ST6GALNAC3: variants seen among roughly 807,000 people sequenced by gnomAD.
ST6GALNAC3 encodes alpha-N-acetylgalactosaminide alpha-2,6-sialyltransferase 3.
ST6GALNAC3 carries 25 observed loss-of-function variants against 32.7 expected under a neutral mutation model. That is an observed-to-expected ratio of 0.76 (90% CI 0.56 to 1.07). The LOEUF is 1.07. ST6GALNAC3 is among the 50% of genes least tolerant of loss of function. ST6GALNAC3 has a pLI of 0.00. For missense variants in ST6GALNAC3, 355 were observed against 382.4 expected (o/e 0.93, Z 0.60); for synonymous variants, 129 against 133.1 (o/e 0.97, Z 0.21).
rs567855012 is a variant in ST6GALNAC3, at chr1:76,112,775, C to T, written c.18+37891C>T. Among the ~76,000 whole-genome samples, 166 of 149,360 alleles carry T rather than the reference C, an allele frequency of 1.1e-3. 1 individual carries two copies. Among genetic ancestry groups the T allele is most frequent in the African/African-American group, 3.7e-3 (148 of 40,374 alleles). ...GCAGAGGCGCTCCCCACATCTCAGA[C>T]GATGGGCGGCCGGGCAGAGATGCTC... On this transcript the variant is annotated intron_variant, in intron 1 of 4. Transcript: ENST00000328299.
intron 1 of ST6GALNAC3, among the ~76,000 whole-genome samples, chr1:76,130,018 A>G (rs1441641857): frequency 1.3e-5 from 2 of 152,152 alleles, no homozygotes; most frequent in African/African-American, 4.8e-5. Context: ...TTGAGATGGG[A>G]TTCCATGACT....
At chr1:76,529,356 T>G (rs189786457) in intron 3 of ST6GALNAC3, among the ~76,000 whole-genome samples, 8 of 152,164 alleles carry the variant, frequency 5.3e-5, no homozygotes, top group Admixed American at 4.6e-4. Context: ...CTGTCTCACA[T>G]GGATGTTGTA....
At chr1:76,149,676 C>G (rs921019115) in intron 1 of ST6GALNAC3, among the ~76,000 whole-genome samples, 2 of 151,796 alleles carry the variant, frequency 1.3e-5, no homozygotes, top group African/African-American at 4.9e-5. Context: ...TTCCATTGTT[C>G]CATTGTGTAT....
intron 1 of ST6GALNAC3, among the ~76,000 whole-genome samples, chr1:76,113,917 C>T (rs1557626047): frequency 6.6e-6 from 1 of 151,778 alleles, no homozygotes; most frequent in African/African-American, 2.4e-5. Context: ...CCCCACCTCC[C>T]GGGTTCAAGC....
At chr1:76,208,698 A>T (rs1654971423) in intron 1 of ST6GALNAC3, among the ~76,000 whole-genome samples, 1 of 149,134 alleles carries the variant, frequency 6.7e-6, no homozygotes, top group South Asian at 2.3e-4. Context: ...TTCCATTATG[A>T]TGATGGGGTT....
chr1:76,302,573 T>C (rs1453281885), intron 1 of ST6GALNAC3, among the ~76,000 whole-genome samples: 6 of 152,080 alleles, frequency 3.9e-5, no homozygotes, highest in Non-Finnish European at 8.8e-5. Flanking sequence ...CTCTTATAGC[T>C]GATGAACTAC....
intron 1 of ST6GALNAC3, among the ~76,000 whole-genome samples, chr1:76,158,410 G>T (rs1036163393): frequency 6.6e-6 from 1 of 152,194 alleles, no homozygotes; most frequent in Non-Finnish European, 1.5e-5. Context: ...GGGGCCCTCT[G>T]ACATGAAGGC....
intron 1 of ST6GALNAC3, among the ~76,000 whole-genome samples, chr1:76,115,278 A>G (rs1163861678): frequency 2.6e-5 from 4 of 152,206 alleles, no homozygotes; most frequent in East Asian, 1.9e-4. Context: ...GCATGTCAGT[A>G]TATTTCAGTA....
At chr1:76,328,914 G>A (rs920226485) in intron 2 of ST6GALNAC3, among the ~76,000 whole-genome samples, 1 of 152,060 alleles carries the variant, frequency 6.6e-6, no homozygotes, top group Non-Finnish European at 1.5e-5. Context: ...GACTCCAATT[G>A]CCCTCATCAT....
At chr1:76,471,723 T>C (rs781127136) in intron 3 of ST6GALNAC3, among the ~76,000 whole-genome samples, 15 of 152,146 alleles carry the variant, frequency 9.9e-5, no homozygotes, top group Non-Finnish European at 2.1e-4. Flanking sequence ...TATCCAGATA[T>C]CTAAGAATGA....
rs1371780657 is a variant in ST6GALNAC3, at chr1:76,509,792, C to G, written c.623+97375C>G. 2.0e-5 allele frequency among the ~76,000 whole-genome samples: 3 copies of G among 152,154 alleles called. No homozygotes were observed. Among genetic ancestry groups the G allele is most frequent in the Non-Finnish European group, 4.4e-5 (3 of 68,024 alleles). On this transcript the variant is annotated intron_variant, in intron 3 of 4. Coordinates refer to ENST00000328299, the MANE Select transcript of ST6GALNAC3 (RefSeq NM_152996.4). The surrounding 1 kb of genome is among the most constrained non-coding windows in gnomAD (Gnocchi z 5.5). ...AATTTCTGCTTCCATTCTCACATAT[C>G]TTTTCCTCACATTGCTGTTTCTCTA...
chr1:76,132,248 C>T (rs1340664073), intron 1 of ST6GALNAC3, among the ~76,000 whole-genome samples: 1 of 152,202 alleles, frequency 6.6e-6, no homozygotes, highest in Admixed American at 6.5e-5. Flanking sequence ...CACAGCTCCT[C>T]CTCTTTATCT....
In ST6GALNAC3 at chr1:76,099,497, AG is replaced by A. The variant is rs1482946802; in HGVS notation, c.18+24615del. ...AATGTAAAACTACTAAGCAATGAGA[AG>A]GAATGCACTGTCGATACATGCAACA... On this transcript the variant is annotated intron_variant, in intron 1 of 4. Transcript: ENST00000328299. Among the ~76,000 whole-genome samples the A allele has an allele frequency of 3.3e-5, 5 of 152,364 alleles. No individual in the cohort carries two copies. In the South Asian group the frequency reaches 6.2e-4, roughly 19 times the overall value.
At chr1:76,538,752 G>T (rs1663792695) in intron 3 of ST6GALNAC3, among the ~76,000 whole-genome samples, 1 of 152,082 alleles carries the variant, frequency 6.6e-6, no homozygotes, top group African/African-American at 2.4e-5. Flanking sequence ...AATCATGAAT[G>T]AACTCCCATT....
chr1:76,223,466 T>C (rs1021205468), intron 1 of ST6GALNAC3, among the ~76,000 whole-genome samples: 6 of 152,112 alleles, frequency 3.9e-5, no homozygotes, highest in African/African-American at 1.4e-4. Context: ...ACTGTGCTTA[T>C]TACCTGGATG....
chr1:76,580,367 T>C (rs1646874882), intron 3 of ST6GALNAC3, among the ~76,000 whole-genome samples: 1 of 152,122 alleles, frequency 6.6e-6, no homozygotes, highest in East Asian at 1.9e-4. Flanking sequence ...TCCCTTTCAC[T>C]AGGCCTACGC....
At chr1:76,090,595 G>A (rs181888479) in intron 1 of ST6GALNAC3, among the ~76,000 whole-genome samples, 1 of 152,208 alleles carries the variant, frequency 6.6e-6, no homozygotes, top group East Asian at 1.9e-4. Flanking sequence ...TTTTTCATTT[G>A]GAATATATTA....
chr1:76,450,187 A>G (rs777574899), intron 3 of ST6GALNAC3, among the ~76,000 whole-genome samples: 1 of 152,134 alleles, frequency 6.6e-6, no homozygotes, highest in Non-Finnish European at 1.5e-5. Context: ...TTACATTCCC[A>G]CCAGCAGTGT....
chr1:76,121,515 G>A (rs752513769), intron 1 of ST6GALNAC3, among the ~76,000 whole-genome samples: 3 of 152,158 alleles, frequency 2.0e-5, no homozygotes, highest in Non-Finnish European at 4.4e-5. Flanking sequence ...AGGAGATCAA[G>A]ACCATCCTGG....
Sources: gnomAD v4.1 joint callset for allele counts (sites outside exome capture counted in the v4.1 genomes callset) on GRCh38, gnomAD v4.1.1 for gene constraint, Gnocchi (gnomAD v3.1) non-coding constraint, MANE v1.5 for transcripts, NCBI Gene and HGNC (gene_info 2026-07-23, HGNC 2026-07-21) for gene names.